The following RGS7 variants were observed in gnomAD, a reference collection of about 807,000 sequenced individuals.
RGS7 encodes the protein regulator of G protein signaling 7.
In RGS7, 27 loss-of-function variants were observed where a neutral mutation model predicts 81.1. That is an observed-to-expected ratio of 0.33 (90% CI 0.25 to 0.46). The LOEUF (loss-of-function observed/expected upper bound fraction) is 0.46. Among genes scored for constraint, RGS7 ranks in the 20% least tolerant of loss-of-function variants. The probability of loss-of-function intolerance (pLI) is 1.00; values close to 1 mark genes in which losing one functional copy is unlikely to be tolerated. For synonymous variants in RGS7, 208 were observed against 207.7 expected (o/e 1.00, Z -0.01); for missense variants, 396 against 607.4 (o/e 0.65, Z 3.66).
At chr1:241,118,573 A>G (rs1301034476) in intron 2 of RGS7, among the ~76,000 whole-genome samples, 1 of 152,178 alleles carries the variant, frequency 6.6e-6, no homozygotes, top group African/African-American at 2.4e-5. Context: ...TTTATAATAT[A>G]AAAAAGACAC....
At chr1:240,778,932 C>A (rs1037871556) in intron 18 of RGS7, among the ~76,000 whole-genome samples, 1 of 151,332 alleles carries the variant, frequency 6.6e-6, no homozygotes, top group Admixed American at 6.6e-5. Context: ...AACAACAGAC[C>A]CTGCTTTATA....
chr1:240,938,085 C>CA (rs534095082), intron 4 of RGS7, among the ~76,000 whole-genome samples: 15 of 151,902 alleles, frequency 9.9e-5, no homozygotes, highest in Non-Finnish European at 5.9e-5. Context: ...TCTACCCCAA[C>CA]AAAAAAAATA....
At chr1:241,022,171 C>A (rs934219513) in intron 3 of RGS7, among the ~76,000 whole-genome samples, 1 of 152,158 alleles carries the variant, frequency 6.6e-6, no homozygotes, top group Admixed American at 6.5e-5. Flanking sequence ...AATCTCACAT[C>A]ATGTATTAAA....
At chr1:241,138,112 C>T (rs111869099) in intron 2 of RGS7, among the ~76,000 whole-genome samples, 17,638 of 145,452 alleles carry the variant, frequency 0.12, 1,175 homozygotes, top group Middle Eastern at 0.19. Context: ...GTGGAGGTTG[C>T]GGTAAGTTGA....
chr1:241,065,890 C>T lies in RGS7; in HGVS notation c.175+32776G>A, dbSNP rs533708227. ...ATAATAGTATCTCGCAAGATTGTTG[C>T]GGGGATTACATAAATCATGTACTTA... On this transcript the variant is annotated intron_variant, in intron 3 of 18. Transcript: ENST00000440928. Among the ~76,000 whole-genome samples, 8 of 152,162 alleles carry T rather than the reference C, an allele frequency of 5.3e-5. No homozygotes were observed. The South Asian group carries it at 1.0e-3, about 20-fold the overall frequency.
At chr1:240,930,801 G>A in intron 5 of RGS7, 33 bp from the exon 6 acceptor site, 1 of 1,608,268 alleles carries the variant, frequency 6.2e-7, no homozygotes, top group Non-Finnish European at 8.5e-7. Flanking sequence ...ACCCAGATTA[G>A]ACAAATAAAA....
chr1:240,871,376 C>A (rs760980058), intron 6 of RGS7, among the ~76,000 whole-genome samples: 2 of 152,148 alleles, frequency 1.3e-5, no homozygotes, highest in African/African-American at 4.8e-5. Context: ...TAAGGAAACA[C>A]ACTACACAGA....
At chr1:240,991,457 C>T (rs897706026) in intron 3 of RGS7, among the ~76,000 whole-genome samples, 3 of 152,158 alleles carry the variant, frequency 2.0e-5, no homozygotes, top group Non-Finnish European at 2.9e-5. Flanking sequence ...TCCCAAGTCG[C>T]ATTCAGAGAA....
chr1:240,944,282 G>GTGTATGTA (rs1352421845), intron 4 of RGS7, among the ~76,000 whole-genome samples: 2 of 55,820 alleles, frequency 3.6e-5, no homozygotes, highest in Non-Finnish European at 6.2e-5. Context: ...GTGTGTGTGT[G>GTGTATGTA]TATATATATA....
chr1:241,343,492 T>C (rs959661895), intron 2 of RGS7, among the ~76,000 whole-genome samples: 1 of 152,142 alleles, frequency 6.6e-6, no homozygotes, highest in East Asian at 1.9e-4. Context: ...ATTCAGCCTT[T>C]AAAAAGGAGA....
chr1:241,154,690 A>T (rs553140392), intron 2 of RGS7, among the ~76,000 whole-genome samples: 1 of 152,358 alleles, frequency 6.6e-6, no homozygotes, highest in South Asian at 2.1e-4. Flanking sequence ...ACAGGTGCTA[A>T]AATCTGAAAA....
intron 2 of RGS7, among the ~76,000 whole-genome samples, chr1:241,303,741 G>A (rs1027324374): frequency 5.3e-5 from 8 of 152,170 alleles, no homozygotes; most frequent in African/African-American, 1.9e-4. Flanking sequence ...GTTGTTAAGG[G>A]AACTGGGTTG....
At chr1:240,943,176 G>A (rs1024165127) in intron 4 of RGS7, among the ~76,000 whole-genome samples, 15 of 152,150 alleles carry the variant, frequency 9.9e-5, no homozygotes, top group Admixed American at 8.5e-4. Flanking sequence ...ATTGAGGAAT[G>A]CAATAAGAAA....
chr1:240,852,185 A>G (rs1350017309), intron 9 of RGS7, among the ~76,000 whole-genome samples: 1 of 152,134 alleles, frequency 6.6e-6, no homozygotes, highest in Non-Finnish European at 1.5e-5. Flanking sequence ...AGCTTCTCCA[A>G]CCTTTAGCAA....
rs570645334 is a variant in RGS7 at position 241,098,212 on chromosome 1, A to G, written c.175+454T>C. On this transcript the variant is annotated intron_variant, in intron 3 of 18. Transcript: ENST00000440928. Reference sequence around the variant, plus strand: ...GTTCTCTACAGTTTGGTCACTGTCGAGTTCGGTGAGCACAGTTGGTGGTGA... The same window carrying G: ...GTTCTCTACAGTTTGGTCACTGTCGGGTTCGGTGAGCACAGTTGGTGGTGA... Among the ~76,000 whole-genome samples, 10 of 152,308 alleles carry G rather than the reference A, an allele frequency of 6.6e-5. No homozygotes were observed. The East Asian group carries it at 1.9e-3, about 29-fold the overall frequency.
At chr1:241,264,766 G>C (rs1442012325) in intron 2 of RGS7, among the ~76,000 whole-genome samples, 3 of 152,204 alleles carry the variant, frequency 2.0e-5, no homozygotes, top group Non-Finnish European at 4.4e-5. Flanking sequence ...AAGGCTAAAT[G>C]CAGTGGTTGG....
intron 2 of RGS7, among the ~76,000 whole-genome samples, chr1:241,176,008 C>T (rs889003908): frequency 2.6e-5 from 4 of 152,162 alleles, no homozygotes; most frequent in African/African-American, 9.6e-5. Flanking sequence ...AAGGCAAGAA[C>T]TATCACTATA....
intron 2 of RGS7, among the ~76,000 whole-genome samples, chr1:241,128,422 A>G (rs1299472991): frequency 6.6e-6 from 1 of 151,960 alleles, no homozygotes; most frequent in Non-Finnish European, 1.5e-5. Flanking sequence ...TGTCTCTACT[A>G]AAAATACAAA....
intron 7 of RGS7, among the ~76,000 whole-genome samples, chr1:240,869,765 C>T (rs143460910): frequency 0.017 from 2,593 of 151,990 alleles, 95 homozygotes; most frequent in African/African-American, 0.06. Flanking sequence ...CATGACGAAA[C>T]CCAGTCTCTA....
Sources: gnomAD v4.1 joint callset for allele counts (sites outside exome capture counted in the v4.1 genomes callset) on GRCh38, gnomAD v4.1.1 for gene constraint, MANE v1.5 for transcripts, NCBI Gene and HGNC (gene_info 2026-07-23, HGNC 2026-07-21) for gene names.